The following PIBF1 variants were observed in gnomAD, a reference collection of about 807,000 sequenced individuals.
PIBF1 encodes progesterone immunomodulatory binding factor 1, also known as progesterone-induced-blocking factor 1.
PIBF1 carries 90 observed loss-of-function variants against 112.5 expected under a neutral mutation model. The ratio of observed to expected loss-of-function variants is 0.80; its 90% confidence interval spans 0.67 to 0.95. PIBF1 has a LOEUF of 0.95. PIBF1 is among the 40% of genes least tolerant of loss of function. The pLI, the probability that PIBF1 is intolerant of heterozygous loss-of-function variation, is 0.00. For synonymous variants in PIBF1, 301 were observed against 288.6 expected (o/e 1.04, Z -0.44); for missense variants, 915 against 852.3 (o/e 1.07, Z -0.92).
rs140933396 is a variant in PIBF1, at chr13:72,958,779, A to G, written c.1834-6495A>G. Reference sequence around the variant, plus strand: ...ATCACGTGGGAACATGAGAGAAGGAACTGGTATTAGTAGGGAGGATTACAA... The same window carrying G: ...ATCACGTGGGAACATGAGAGAAGGAGCTGGTATTAGTAGGGAGGATTACAA... On this transcript the variant is annotated intron_variant, in intron 14 of 17. Coordinates refer to ENST00000326291, the MANE Select transcript of PIBF1 (RefSeq NM_006346.4). Among the ~76,000 whole-genome samples, 3 of 152,322 alleles carry G rather than the reference A, an allele frequency of 2.0e-5. No individual in the cohort carries two copies. The East Asian group carries it at 5.8e-4, about 29-fold the overall frequency.
Position 72,827,878 on chromosome 13 carries a change from C to G in PIBF1, c.1061C>G (p.Ala354Gly), listed in dbSNP as rs2036895937. ...GCTCAACTGGAAGAAAGCAAAAAGG[C>G]TAGAGAAGAGATGTATGAAAAATAT... ...LQAQLEESKKAREEMYEKYVA... is the reference protein window; with the variant it reads ...LQAQLEESKKGREEMYEKYVA... Residue 354 changes from alanine to glycine, a missense_variant, in exon 8 of 18, where the codon GCT becomes GGT. Transcript: ENST00000326291. The G allele has an allele frequency of 1.9e-6, 3 of 1,591,850 alleles. No homozygotes were observed. The highest frequency in any genetic ancestry group is 3.5e-5 in the Admixed American group (2 of 56,992).
At chr13:72,974,017 T>C (rs2042962708) in intron 16 of PIBF1, 3 of 306,702 alleles carry the variant, frequency 9.8e-6, no homozygotes. Context: ...GTAGTGTAGA[T>C]AATTTGTGTT....
intron 10 of PIBF1, among the ~76,000 whole-genome samples, chr13:72,881,764 C>T (rs2039647517): frequency 7.2e-6 from 1 of 139,570 alleles, no homozygotes; most frequent in South Asian, 2.4e-4. Flanking sequence ...AACTATAAAA[C>T]ACTGATGCAA....
intron 9 of PIBF1, among the ~76,000 whole-genome samples, chr13:72,839,887 GTTC>G (rs2037528462): frequency 6.6e-6 from 1 of 152,158 alleles, no homozygotes; most frequent in African/African-American, 2.4e-5. Flanking sequence ...TGTCTCCAGT[GTTC>G]TTCTGACCCC....
At chr13:72,784,310 A>G (rs2034475013) in intron 2 of PIBF1, among the ~76,000 whole-genome samples, 1 of 149,466 alleles carries the variant, frequency 6.7e-6, no homozygotes, top group Admixed American at 6.7e-5. Context: ...GCCAGCCATG[A>G]TGGTGGGTGC....
chr13:72,908,535 T>C lies in PIBF1; in HGVS notation c.1493T>C (p.Leu498Ser). ...CEKYQKKLEV[L>S]TKEFYSLQAS... ...ATTCTTCTCTTTCACTATTAGGTTT[T>C]AACCAAAGAATTTTATAGTCTCCAA... Residue 498 changes from leucine to serine, a missense_variant, in exon 12 of 18, where the codon TTA becomes TCA. Coordinates refer to ENST00000326291, the MANE Select transcript of PIBF1 (RefSeq NM_006346.4). The C allele has an allele frequency of 6.3e-7, 1 of 1,599,300 alleles. No individual in the cohort carries two copies. The highest frequency in any genetic ancestry group is 8.5e-7 in the Non-Finnish European group (1 of 1,173,996).
At chr13:72,898,981 A>G (rs545941987) in intron 11 of PIBF1, among the ~76,000 whole-genome samples, 8 of 152,314 alleles carry the variant, frequency 5.3e-5, no homozygotes, top group South Asian at 2.1e-4. Context: ...AGATTATTCA[A>G]GTCTACTGTG....
intron 13 of PIBF1, among the ~76,000 whole-genome samples, chr13:72,926,455 A>G (rs906359230): frequency 6.6e-6 from 1 of 152,224 alleles, no homozygotes; most frequent in African/African-American, 2.4e-5. Flanking sequence ...AACTACTTTT[A>G]AAGACCACTG....
intron 14 of PIBF1, among the ~76,000 whole-genome samples, chr13:72,939,831 C>G: frequency 6.6e-6 from 1 of 151,960 alleles, no homozygotes; most frequent in East Asian, 1.9e-4. Context: ...TTTTCTCTCC[C>G]TCTCTCTCTT....
At chr13:72,868,933 T>C (rs1239822565) in intron 10 of PIBF1, among the ~76,000 whole-genome samples, 3 of 151,662 alleles carry the variant, frequency 2.0e-5, no homozygotes, top group Non-Finnish European at 4.4e-5. Context: ...CTCACACCAG[T>C]TAGAATGGCA....
intron 4 of PIBF1, among the ~76,000 whole-genome samples, 189 bp downstream of exon 4, chr13:72,795,746 G>A (rs771226839): frequency 6.6e-6 from 1 of 152,136 alleles, no homozygotes; most frequent in Non-Finnish European, 1.5e-5. Flanking sequence ...GCAATAAATA[G>A]GTTTCTGAAG....
intron 11 of PIBF1, among the ~76,000 whole-genome samples, chr13:72,903,401 C>T (rs2040575707): frequency 6.6e-6 from 1 of 152,076 alleles, no homozygotes; most frequent in South Asian, 2.1e-4. Flanking sequence ...CTGTGCTGGG[C>T]CCAGTTACAC....
intron 9 of PIBF1, among the ~76,000 whole-genome samples, chr13:72,844,774 C>CGGATGAAGTCTTACTGTTT (rs1412208210): frequency 7.5e-6 from 1 of 133,610 alleles, no homozygotes; most frequent in African/African-American, 3.0e-5. Context: ...CACACACACA[C>CGGATGAAGTCTTACTGTTT]ACACACACAC....
At chr13:72,870,361 A>G (rs1418779955) in intron 10 of PIBF1, among the ~76,000 whole-genome samples, 2 of 152,216 alleles carry the variant, frequency 1.3e-5, no homozygotes, top group Admixed American at 6.5e-5. Flanking sequence ...GAGTACATCA[A>G]AAGGCAAAAG....
intron 11 of PIBF1, among the ~76,000 whole-genome samples, chr13:72,897,719 G>A (rs1024356275): frequency 6.6e-6 from 1 of 152,152 alleles, no homozygotes; most frequent in Non-Finnish European, 1.5e-5. Flanking sequence ...GAGACAAAGA[G>A]GGACATTATA....
At chr13:72,867,447 C>T (rs2038974997) in intron 10 of PIBF1, among the ~76,000 whole-genome samples, 1 of 152,084 alleles carries the variant, frequency 6.6e-6, no homozygotes, top group Admixed American at 6.5e-5. Flanking sequence ...AAAATATTAA[C>T]TATTATTATT....
At position 72,835,331 on chromosome 13, in the gene PIBF1, C is replaced by A; in HGVS notation, c.1186C>A (p.Arg396=). ...LKTNQEIDQL[R]NASREMYERE... is the part of the protein sequence containing the mutation. The stretch of plus-strand genomic sequence containing the variant: ...AACCAACCAAGAAATTGATCAACTT[C>A]GAAATGCCTCTAGGGAAATGTATGA... Residue 396 remains arginine, a synonymous_variant, in exon 9 of 18, where the codon CGA becomes AGA. Coordinates refer to ENST00000326291, the MANE Select transcript of PIBF1 (RefSeq NM_006346.4). 3 of 1,590,036 alleles carry A rather than the reference C, an allele frequency of 1.9e-6. No individual in the cohort carries two copies. Among genetic ancestry groups the A allele is most frequent in the South Asian group, 1.2e-5 (1 of 86,674 alleles).
At chr13:72,956,811 A>T (rs1054455383) in intron 14 of PIBF1, among the ~76,000 whole-genome samples, 1 of 152,180 alleles carries the variant, frequency 6.6e-6, no homozygotes, top group Non-Finnish European at 1.5e-5. Context: ...AATCATCAAA[A>T]ATTCTAGCTG....
At chr13:72,829,209 T>A (rs897573353) in intron 8 of PIBF1, among the ~76,000 whole-genome samples, 1 of 152,210 alleles carries the variant, frequency 6.6e-6, no homozygotes, top group African/African-American at 2.4e-5. Flanking sequence ...TTGCAAAAAT[T>A]TTCTCCTGTT....
Sources: allele counts gnomAD v4.1 joint callset (sites outside exome capture counted in the v4.1 genomes callset), GRCh38; gene constraint gnomAD v4.1.1; transcripts MANE v1.5; gene names NCBI Gene and HGNC (gene_info 2026-07-23, HGNC 2026-07-21).